PTPN4: variants seen among roughly 807,000 people sequenced by gnomAD.
PTPN4 encodes tyrosine-protein phosphatase non-receptor type 4.
PTPN4 carries 49 observed loss-of-function variants against 135.5 expected under a neutral mutation model. That is an observed-to-expected ratio of 0.36 (90% CI 0.29 to 0.46). PTPN4 has a LOEUF of 0.46. PTPN4 is among the 20% of genes least tolerant of loss of function. The pLI is 1.00. For synonymous variants in PTPN4, 333 were observed against 369.9 expected (o/e 0.90, Z 1.14); for missense variants, 860 against 1,101.0 (o/e 0.78, Z 3.10).
intron 2 of PTPN4, among the ~76,000 whole-genome samples, chr2:119,821,673 A>C (rs751093677): frequency 2.6e-5 from 4 of 152,168 alleles, no homozygotes; most frequent in Non-Finnish European, 5.9e-5. Flanking sequence ...CTTTGGATTC[A>C]CTGTATTTTT....
Position 119,760,197 on chromosome 2 carries a change from G to T in PTPN4, c.-205G>T, listed in dbSNP as rs1176740602. Reference sequence around the variant, plus strand: ...GCCACCTCCCCAGCGGCGCCGGCCCGCGGCTGCCCAGCAGCATGAGGTGGT... The same window carrying T: ...GCCACCTCCCCAGCGGCGCCGGCCCTCGGCTGCCCAGCAGCATGAGGTGGT... On this transcript the variant is annotated 5_prime_UTR_variant, in exon 1 of 27. Transcript: ENST00000263708. 1 of 395,336 alleles carries T rather than the reference G, an allele frequency of 2.5e-6. No homozygotes were observed. The highest frequency in any genetic ancestry group is 4.5e-6 in the Non-Finnish European group (1 of 224,082). The allele number at this position is 395,336 out of a possible 1,614,324, so 24.5% of individuals were successfully genotyped here.
intron 25 of PTPN4, among the ~76,000 whole-genome samples, chr2:119,966,909 C>G (rs1285408927): frequency 6.6e-6 from 1 of 152,196 alleles, no homozygotes; most frequent in African/African-American, 2.4e-5. Context: ...CTATTACGGC[C>G]ACCTTTGTTA....
chr2:119,864,684 T>A (rs1212235639), intron 3 of PTPN4, among the ~76,000 whole-genome samples: 1 of 152,156 alleles, frequency 6.6e-6, no homozygotes, highest in Non-Finnish European at 1.5e-5. Context: ...ATAAAAATTC[T>A]ATCACATAAA....
intron 1 of PTPN4, among the ~76,000 whole-genome samples, chr2:119,771,089 A>G (rs1690725590): frequency 6.6e-6 from 1 of 152,122 alleles, no homozygotes; most frequent in Non-Finnish European, 1.5e-5. Flanking sequence ...AACAAGTCTG[A>G]TTACCTTGAG....
intron 1 of PTPN4, among the ~76,000 whole-genome samples, chr2:119,806,101 C>T: frequency 6.6e-6 from 1 of 152,088 alleles, no homozygotes; most frequent in Non-Finnish European, 1.5e-5. Flanking sequence ...AAAGGAACAA[C>T]TGGTACCCGC....
chr2:119,871,401 G>A (rs1677907884), intron 3 of PTPN4, among the ~76,000 whole-genome samples: 1 of 152,034 alleles, frequency 6.6e-6, no homozygotes, highest in South Asian at 2.1e-4. Flanking sequence ...GAGAATAGTT[G>A]AATAAAGTAT....
At chr2:119,897,548 T>C (rs1490036596) in intron 9 of PTPN4, among the ~76,000 whole-genome samples, 1 of 152,216 alleles carries the variant, frequency 6.6e-6, no homozygotes, top group African/African-American at 2.4e-5. Context: ...AATTATTTAC[T>C]TGCTTCATGC....
intron 2 of PTPN4, among the ~76,000 whole-genome samples, chr2:119,823,675 G>T (rs1385927816): frequency 6.6e-6 from 1 of 152,150 alleles, no homozygotes; most frequent in African/African-American, 2.4e-5. Flanking sequence ...CAAATTCTGT[G>T]TTTGCTGAAG....
chr2:119,930,266 A>G (rs945926529), intron 13 of PTPN4, among the ~76,000 whole-genome samples: 2 of 152,138 alleles, frequency 1.3e-5, no homozygotes, highest in Non-Finnish European at 1.5e-5. Context: ...ATAACATTCC[A>G]TGTCTTATAA....
At chr2:119,927,483 A>G (rs1678843328) in intron 13 of PTPN4, among the ~76,000 whole-genome samples, 1 of 152,230 alleles carries the variant, frequency 6.6e-6, no homozygotes, top group East Asian at 1.9e-4. Context: ...ATTATGAGCA[A>G]TGATAGAGAA....
chr2:119,847,287 C>T (rs953402288), intron 2 of PTPN4, among the ~76,000 whole-genome samples: 158 of 88,734 alleles, frequency 1.8e-3, no homozygotes, highest in Non-Finnish European at 2.2e-3. Context: ...CACACACACA[C>T]ACACACACAC....
chr2:119,835,930 G>A (rs974119626), intron 2 of PTPN4, among the ~76,000 whole-genome samples: 14 of 152,074 alleles, frequency 9.2e-5, no homozygotes, highest in Non-Finnish European at 1.8e-4. Context: ...TTAGCCAGGC[G>A]TGGTGGCGGG....
chr2:119,878,890 A>G (rs530180541), intron 5 of PTPN4, among the ~76,000 whole-genome samples: 246 of 151,856 alleles, frequency 1.6e-3, no homozygotes, highest in East Asian at 9.3e-3. Flanking sequence ...TCAGGAGATC[A>G]AGAACATCCT....
intron 2 of PTPN4, among the ~76,000 whole-genome samples, chr2:119,821,966 G>A (rs1312532130): frequency 9.2e-5 from 14 of 151,950 alleles, no homozygotes; most frequent in Non-Finnish European, 1.9e-4. Context: ...CATTTAAAAC[G>A]TGTTTTCCTT....
intron 2 of PTPN4, among the ~76,000 whole-genome samples, chr2:119,830,907 G>A (rs1016112947): frequency 1.3e-5 from 2 of 152,168 alleles, no homozygotes; most frequent in Non-Finnish European, 2.9e-5. Flanking sequence ...GTGGAACTGT[G>A]AGCCAATTAA....
At chr2:119,805,738 TG>T (rs1453540127) in intron 1 of PTPN4, among the ~76,000 whole-genome samples, 1 of 152,200 alleles carries the variant, frequency 6.6e-6, no homozygotes, top group African/African-American at 2.4e-5. Context: ...TTGTTCTTTT[TG>T]CTTAGGATTG....
At chr2:119,879,751 A>G (rs926582806) in intron 5 of PTPN4, among the ~76,000 whole-genome samples, 1 of 152,076 alleles carries the variant, frequency 6.6e-6, no homozygotes, top group South Asian at 2.1e-4. Context: ...AAGTTTTCAG[A>G]ACTAGTTTAG....
intron 10 of PTPN4, among the ~76,000 whole-genome samples, chr2:119,908,368 C>T (rs1025346585): frequency 2.6e-5 from 4 of 152,172 alleles, no homozygotes; most frequent in African/African-American, 9.7e-5. Flanking sequence ...TTTCTGCCAG[C>T]ATGTGCTCAC....
Position 119,943,580 on chromosome 2 carries a change from C to CTTTTTTTTTTTT in PTPN4, c.1356-1489_1356-1478dup, listed in dbSNP as rs70949374. ...AAATCATAAGCTGTTTCATTTTTTT[C>CTTTTTTTTTTTT]TTTTTTTTTTTTTTTTTTTTTTTGA... On this transcript the variant is annotated intron_variant, in intron 15 of 26. Coordinates refer to ENST00000263708, the MANE Select transcript of PTPN4 (RefSeq NM_002830.4). Among the ~76,000 whole-genome samples, 93 of 79,910 alleles carry CTTTTTTTTTTTT rather than the reference C, an allele frequency of 1.2e-3. 3 individuals carry two copies. Among genetic ancestry groups the CTTTTTTTTTTTT allele is most frequent in the African/African-American group, 4.2e-3 (83 of 19,974 alleles). 52.4% of individuals were successfully genotyped at this position (79,910 alleles called of 152,430 possible). A position where few individuals can be genotyped will look rare whatever the true frequency, so the allele number is the denominator to read the frequency against.
Sources: allele counts gnomAD v4.1 joint callset (sites outside exome capture counted in the v4.1 genomes callset), GRCh38; gene constraint gnomAD v4.1.1; transcripts MANE v1.5; gene names NCBI Gene and HGNC (gene_info 2026-07-23, HGNC 2026-07-21).